Variants in USH2A observed in about 807,000 individuals in gnomAD.
USH2A encodes the protein usherin.
Under a neutral mutation model 538.9 loss-of-function variants are expected in USH2A, and 443 were observed. The ratio of observed to expected loss-of-function variants is 0.82; its 90% confidence interval spans 0.76 to 0.89. The LOEUF (loss-of-function observed/expected upper bound fraction) is 0.89, where lower values mean the gene tolerates loss of function less well. Among genes scored for constraint, USH2A ranks in the 40% least tolerant of loss-of-function variants. The pLI is 0.00. For missense variants in USH2A, 6,633 were observed against 6,324.8 expected, an observed-to-expected ratio of 1.05 and a Z score of -1.65; for synonymous variants, 2,413 against 2,273.5, an observed-to-expected ratio of 1.06 and a Z score of -1.75.
In USH2A at chr1:215,910,178, TTATTA is replaced by T. The variant is rs1395875181; in HGVS notation, c.7301-9278_7301-9274del. ...AACTTTTTTACCTTTGATAAGCTTT[TTATTA>T]TATTAGATAATCCTGAACATTTCAC... On this transcript the variant is annotated intron_variant, in intron 38 of 71. Coordinates refer to ENST00000307340, the MANE Select transcript of USH2A (RefSeq NM_206933.4). Among the ~76,000 whole-genome samples the T allele has an allele frequency of 7.9e-5, 12 of 152,212 alleles. No individual in the cohort carries two copies. In the East Asian group the frequency reaches 1.7e-3, roughly 22 times the overall value.
rs1376287293 is a variant in USH2A, at chr1:216,078,376, T to G, written c.5299-14A>C. ...TTTCAGCTCCATCTGTATTTTATAT[T>G]AAAAAAGAAAGTAGGTATATAAAAA... On this transcript the variant is annotated splice_polypyrimidine_tract_variant and intron_variant, in intron 26 of 71. Coordinates refer to ENST00000307340, the MANE Select transcript of USH2A (RefSeq NM_206933.4). 1.9e-6 allele frequency: 3 copies of G among 1,611,672 alleles called. No homozygotes were observed. Among genetic ancestry groups the G allele is most frequent in the Non-Finnish European group, 2.5e-6 (3 of 1,178,520 alleles).
intron 35 of USH2A, among the ~76,000 whole-genome samples, chr1:215,979,828 A>G (rs1012446257): frequency 4.6e-5 from 7 of 152,222 alleles, no homozygotes; most frequent in Non-Finnish European, 8.8e-5. Context: ...TTAATCTCAT[A>G]AAAGCCTACT....
intron 32 of USH2A, among the ~76,000 whole-genome samples, chr1:216,023,845 C>T (rs1435132723): frequency 6.6e-6 from 1 of 151,640 alleles, no homozygotes; most frequent in East Asian, 1.9e-4. Flanking sequence ...GAAACTAATT[C>T]TTTAAAGGTT....
rs202110733 is a variant in USH2A at position 216,292,177 on chromosome 1, G to C, written c.1838C>G (p.Thr613Arg). 6.2e-7 allele frequency: 1 copy of C among 1,614,028 alleles called. No individual in the cohort carries two copies. Among genetic ancestry groups the C allele is most frequent in the African/African-American group, 1.3e-5 (1 of 75,062 alleles). Residue 613 changes from threonine to arginine, a missense_variant and splice_region_variant, in exon 10 of 72, where the codon ACA becomes AGA. Transcript: ENST00000307340. ...GVCDDCEHNTTGRNCELCKDY... is the reference protein window; with the variant it reads ...GVCDDCEHNTRGRNCELCKDY... ...TCAGGAATTTATTTGCTACTTACCT[G>C]TAGTGTTATGCTCACAATCATCACA...
In USH2A at chr1:216,199,739, G is replaced by A; in HGVS notation, c.3699C>T (p.Pro1233=). The change falls in exon 17 of 72, where the codon CCC becomes CCT. Residue 1233 remains proline, a synonymous_variant. Transcript: ENST00000307340. ...CTSGGCLHSL[P]ITVTTAQAPP... ...GGGCCTGGGCTGTGGTCACTGTAAT[G>A]GGCAAGCTGTGTAAACAGCCCCCGC... is the stretch of plus-strand genomic sequence containing the variant. 1.2e-6 allele frequency: 2 copies of A among 1,614,082 alleles called. No homozygotes were observed. The highest frequency in any genetic ancestry group is 2.2e-5 in the South Asian group (2 of 91,078).
intron 21 of USH2A, among the ~76,000 whole-genome samples, chr1:216,106,700 C>T (rs2032744493): frequency 1.3e-5 from 2 of 151,174 alleles, no homozygotes; most frequent in South Asian, 2.1e-4. Context: ...TTTCTTATTA[C>T]TTTGGTCTTA....
At chr1:215,821,508 T>C (rs1396647860) in intron 47 of USH2A, among the ~76,000 whole-genome samples, 2 of 151,948 alleles carry the variant, frequency 1.3e-5, no homozygotes, top group East Asian at 1.9e-4. Context: ...ATCCCAGTTA[T>C]TAATTCATTG....
In USH2A at chr1:215,999,007, A is replaced by G. The variant is rs768759268; in HGVS notation, c.6537T>C (p.Tyr2179=). The stretch of plus-strand genomic sequence containing the variant: ...TAAAATCATGTGTATGGTTTGACAT[A>G]TATAATACATAGCGTTCCAGAATCC... The part of the protein sequence containing the change: ...ISGILERYVL[Y]MSNHTHDFTI... Residue 2179 remains tyrosine, a synonymous_variant, in exon 34 of 72, where the codon TAT becomes TAC. Coordinates refer to ENST00000307340, the MANE Select transcript of USH2A (RefSeq NM_206933.4). The G allele has an allele frequency of 6.3e-5, 101 of 1,612,742 alleles. No individual in the cohort carries two copies. Among genetic ancestry groups the G allele is most frequent in the Non-Finnish European group, 7.9e-5 (93 of 1,179,120 alleles).
At chr1:216,064,544 T>A (rs957111977) in intron 30 of USH2A, among the ~76,000 whole-genome samples, 1 of 151,422 alleles carries the variant, frequency 6.6e-6, no homozygotes, top group Non-Finnish European at 1.5e-5. Flanking sequence ...AAGAAAACAA[T>A]GTTGAATTAA....
rs1571929122 is a variant in USH2A, at chr1:215,648,388, T to C, written c.14582+140A>G. 5.9e-6 allele frequency: 5 copies of C among 854,028 alleles called. No homozygotes were observed. The South Asian group carries it at 6.9e-5, about 12-fold the overall frequency. The allele number at this position is 854,028 out of a possible 1,614,324, so 52.9% of individuals were successfully genotyped here. A position where few individuals can be genotyped will look rare whatever the true frequency, so the allele number is the denominator to read the frequency against. ...TTGTCTACTTTGCTATAGATATCTG[T>C]TCAATAAGCAAGTCCTCCCTGGGGA... On this transcript the variant is annotated intron_variant, in intron 66 of 71. Transcript: ENST00000307340.
intron 6 of USH2A, among the ~76,000 whole-genome samples, chr1:216,324,625 T>C (rs1182645184): frequency 2.0e-5 from 3 of 152,186 alleles, no homozygotes; most frequent in Non-Finnish European, 4.4e-5. Flanking sequence ...ATAAATGTCA[T>C]ATATAGAGAC....
At chr1:215,679,595 A>G (rs1442635605) in intron 62 of USH2A, among the ~76,000 whole-genome samples, 1 of 152,204 alleles carries the variant, frequency 6.6e-6, no homozygotes, top group African/African-American at 2.4e-5. Context: ...CCCTGTACTC[A>G]TGGGCTGGCA....
intron 64 of USH2A, among the ~76,000 whole-genome samples, chr1:215,666,529 A>G (rs1156969571): frequency 6.6e-6 from 1 of 152,152 alleles, no homozygotes; most frequent in African/African-American, 2.4e-5. Flanking sequence ...CTGGCTGCAC[A>G]TGAGAATCAC....
chr1:215,683,439 T>A (rs1658308923), intron 61 of USH2A, among the ~76,000 whole-genome samples: 1 of 152,232 alleles, frequency 6.6e-6, no homozygotes, highest in Non-Finnish European at 1.5e-5. Context: ...CTGAATGAAT[T>A]TCCAACATCA....
intron 43 of USH2A, among the ~76,000 whole-genome samples, chr1:215,874,394 T>C (rs1233684100): frequency 1.3e-5 from 2 of 152,212 alleles, no homozygotes; most frequent in East Asian, 3.8e-4. Context: ...AATTACTCCT[T>C]ACCTAAGATA....
intron 13 of USH2A, among the ~76,000 whole-genome samples, chr1:216,238,820 G>A (rs1180152680): frequency 6.6e-6 from 1 of 152,062 alleles, no homozygotes; most frequent in Non-Finnish European, 1.5e-5. Context: ...CAGATGAAAG[G>A]GAGGCAGAAG....
At chr1:215,955,913 T>C (rs1411329775) in intron 37 of USH2A, among the ~76,000 whole-genome samples, 1 of 152,156 alleles carries the variant, frequency 6.6e-6, no homozygotes, top group Non-Finnish European at 1.5e-5. Flanking sequence ...CCCATCACCA[T>C]CCAAGGAAGT....
chr1:216,190,756 C>T (rs1250822497), intron 19 of USH2A, among the ~76,000 whole-genome samples: 1 of 151,870 alleles, frequency 6.6e-6, no homozygotes, highest in Non-Finnish European at 1.5e-5. Flanking sequence ...AGCAGTAATA[C>T]CCAAGCTATT....
chr1:216,247,976 A>C (rs1006329791), intron 12 of USH2A, among the ~76,000 whole-genome samples: 26 of 152,158 alleles, frequency 1.7e-4, no homozygotes, highest in African/African-American at 6.3e-4. Context: ...CAGCATATAC[A>C]CTTATTTCTG....
Sources: allele counts gnomAD v4.1 joint callset (sites outside exome capture counted in the v4.1 genomes callset), GRCh38; gene constraint gnomAD v4.1.1; transcripts MANE v1.5; gene names NCBI Gene and HGNC (gene_info 2026-07-23, HGNC 2026-07-21).